The following MOB1B variants were observed in gnomAD, a reference collection of about 807,000 sequenced individuals.
MOB1B encodes the protein MOB kinase activator 1B, also known as MOB1 Mps One Binder homolog B.
Under a neutral mutation model 24.4 loss-of-function variants are expected in MOB1B, and 19 were observed. The observed-to-expected ratio is 0.78, with a 90% confidence interval of 0.54 to 1.14. The LOEUF is 1.14. Ranked by LOEUF, MOB1B falls within the 50% of genes most tolerant of loss-of-function variation. MOB1B has a pLI of 0.00. For missense variants in MOB1B, 243 were observed against 259.6 expected (o/e 0.94, Z 0.44); for synonymous variants, 76 against 82.1 (o/e 0.93, Z 0.40).
intron 1 of MOB1B, among the ~76,000 whole-genome samples, chr4:70,916,140 G>A (rs976157853): frequency 5.9e-5 from 9 of 152,154 alleles, no homozygotes; most frequent in African/African-American, 2.2e-4. Flanking sequence ...AGTCCAAAAC[G>A]ATGGCCTCCC....
intron 2 of MOB1B, 52 bp downstream of exon 2, chr4:70,959,092 A>T: frequency 1.3e-6 from 2 of 1,493,216 alleles, no homozygotes; most frequent in Non-Finnish European, 1.9e-6. Context: ...TAATAGCCTC[A>T]TTGTTGGTGA....
chr4:70,970,152 A>G (rs1027624399), intron 3 of MOB1B, 128 bp downstream of exon 3: 20 of 584,468 alleles, frequency 3.4e-5, no homozygotes, highest in Non-Finnish European at 5.1e-5. Context: ...GTGACTATTA[A>G]TCTAGATTCC....
At chr4:70,975,914 T>G in intron 4 of MOB1B, 8 of 732,634 alleles carry the variant, frequency 1.1e-5, no homozygotes, top group Non-Finnish European at 1.3e-5. Context: ...TTTCATTTTT[T>G]GGGAGACAAG....
chr4:70,902,724 A>C (rs1735567360), intron 1 of MOB1B, among the ~76,000 whole-genome samples, 174 bp downstream of exon 1: 1 of 151,262 alleles, frequency 6.6e-6, no homozygotes. Flanking sequence ...GGACTACCTA[A>C]CCGCCGCCTC....
intron 1 of MOB1B, among the ~76,000 whole-genome samples, chr4:70,924,191 A>C (rs1736562785): frequency 2.6e-5 from 4 of 152,188 alleles, no homozygotes; most frequent in Admixed American, 2.6e-4. Flanking sequence ...CTACTGAAAT[A>C]GCTCTTTGTT....
intron 2 of MOB1B, among the ~76,000 whole-genome samples, chr4:70,962,542 A>G (rs1578391928): frequency 6.6e-6 from 1 of 152,188 alleles, no homozygotes; most frequent in Admixed American, 6.6e-5. Context: ...AAAAATTAGC[A>G]TGAATTGAAT....
chr4:70,940,184 G>A (rs1357163816), intron 1 of MOB1B, among the ~76,000 whole-genome samples: 1 of 152,016 alleles, frequency 6.6e-6, no homozygotes, highest in African/African-American at 2.4e-5. Context: ...ATAGGCACAG[G>A]ATGGGGCCAT....
intron 1 of MOB1B, among the ~76,000 whole-genome samples, chr4:70,903,610 GA>G (rs1219503934): frequency 6.6e-6 from 1 of 152,228 alleles, no homozygotes; most frequent in Non-Finnish European, 1.5e-5. Flanking sequence ...CTGTTGTGGA[GA>G]AATTAGCATT....
At chr4:70,927,379 A>C (rs560919943) in intron 1 of MOB1B, among the ~76,000 whole-genome samples, 1 of 152,184 alleles carries the variant, frequency 6.6e-6, no homozygotes, top group African/African-American at 2.4e-5. Context: ...GTCTCTACTA[A>C]AAATACAATA....
At chr4:70,976,091 A>G in intron 4 of MOB1B, 1 of 435,714 alleles carries the variant, frequency 2.3e-6, no homozygotes, top group Non-Finnish European at 3.0e-6. Flanking sequence ...TAGTAGAGAC[A>G]GGGTTTCACC....
At chr4:70,945,959 C>G (rs891304584) in intron 1 of MOB1B, among the ~76,000 whole-genome samples, 1 of 151,006 alleles carries the variant, frequency 6.6e-6, no homozygotes, top group Non-Finnish European at 1.5e-5. Context: ...TTTTTCCTAT[C>G]GGGCTGGCTT....
rs371218527 is a variant in MOB1B, at chr4:70,902,468, C to T, written c.-69C>T. The T allele has an allele frequency of 5.9e-6, 9 of 1,532,170 alleles. No individual in the cohort carries two copies. The African/African-American group carries it at 9.6e-5, about 16-fold the overall frequency. 94.9% of individuals were successfully genotyped at this position (1,532,170 alleles called of 1,614,324 possible). A position where few individuals can be genotyped will look rare whatever the true frequency, so the allele number is the denominator to read the frequency against. On this transcript the variant is annotated 5_prime_UTR_variant, in exon 1 of 6. Transcript: ENST00000309395. The stretch of plus-strand genomic sequence containing the variant: ...GTCTCCTGTTCCATTCGCCTTTCCT[C>T]TTCTTTCCTGGCCCACGCCGCTCCG...
At chr4:70,908,715 C>T (rs904165572) in intron 1 of MOB1B, among the ~76,000 whole-genome samples, 12 of 149,592 alleles carry the variant, frequency 8.0e-5, no homozygotes, top group African/African-American at 3.0e-4. Flanking sequence ...GTGGAGGTTG[C>T]AGTGAGCCGA....
chr4:70,927,872 T>A (rs1390315227), intron 1 of MOB1B, among the ~76,000 whole-genome samples: 1 of 152,176 alleles, frequency 6.6e-6, no homozygotes, highest in Non-Finnish European at 1.5e-5. Context: ...CCCTGAGATG[T>A]TTGCTTACCA....
intron 1 of MOB1B, among the ~76,000 whole-genome samples, chr4:70,908,943 C>A (rs1272113288): frequency 2.0e-5 from 3 of 150,328 alleles, no homozygotes; most frequent in African/African-American, 7.4e-5. Context: ...CCCAGCTACT[C>A]GGGAGGCTGA....
At chr4:70,924,740 G>A (rs1190382363) in intron 1 of MOB1B, among the ~76,000 whole-genome samples, 1 of 152,120 alleles carries the variant, frequency 6.6e-6, no homozygotes, top group East Asian at 1.9e-4. Flanking sequence ...GACATGTGGT[G>A]TTTGGTTTTC....
intron 1 of MOB1B, among the ~76,000 whole-genome samples, chr4:70,925,384 G>T (rs1736607606): frequency 1.3e-5 from 2 of 152,214 alleles, no homozygotes; most frequent in Middle Eastern, 6.8e-3. Flanking sequence ...TATTTGTAAG[G>T]TGTTGTCTAG....
At chr4:70,914,643 C>G (rs550904780) in intron 1 of MOB1B, among the ~76,000 whole-genome samples, 2 of 152,358 alleles carry the variant, frequency 1.3e-5, no homozygotes, top group South Asian at 2.1e-4. Flanking sequence ...GTTCACATCA[C>G]TACCTTCAGT....
At chr4:70,941,048 A>T (rs1164216446) in intron 1 of MOB1B, among the ~76,000 whole-genome samples, 2 of 152,098 alleles carry the variant, frequency 1.3e-5, no homozygotes, top group African/African-American at 4.8e-5. Context: ...ATTTAACTGT[A>T]GTATTTTGTC....
Sources: gnomAD v4.1 joint callset for allele counts (sites outside exome capture counted in the v4.1 genomes callset) on GRCh38, gnomAD v4.1.1 for gene constraint, MANE v1.5 for transcripts, NCBI Gene and HGNC (gene_info 2026-07-23, HGNC 2026-07-21) for gene names.